ABL1: variants seen among roughly 807,000 people sequenced by gnomAD.
The protein encoded by ABL1 is ABL proto-oncogene 1, non-receptor tyrosine kinase, also known as tyrosine-protein kinase ABL1.
In ABL1, 11 loss-of-function variants were observed where a neutral mutation model predicts 94.7. That is an observed-to-expected ratio of 0.12 (90% CI 0.07 to 0.19). The LOEUF is 0.19. Ranked by LOEUF, ABL1 falls within the 10% of genes least tolerant of loss-of-function variation. The pLI is 1.00. For synonymous variants in ABL1, 656 were observed against 622.4 expected (o/e 1.05, Z -0.80); for missense variants, 1,082 against 1,489.4 (o/e 0.73, Z 4.50).
At chr9:130,757,272 T>G (rs1169585239) in intron 1 of ABL1, among the ~76,000 whole-genome samples, 1 of 152,126 alleles carries the variant, frequency 6.6e-6, no homozygotes, top group Non-Finnish European at 1.5e-5. Flanking sequence ...TATTGAAAAC[T>G]GAAATTGGCC....
chr9:130,867,007 CAG>C (rs1304253319), intron 4 of ABL1, among the ~76,000 whole-genome samples: 1 of 152,202 alleles, frequency 6.6e-6, no homozygotes, highest in Non-Finnish European at 1.5e-5. Context: ...GAACTGTATT[CAG>C]AGTTTGTACA....
At chr9:130,720,499 C>G (rs1831501247) in intron 1 of ABL1, among the ~76,000 whole-genome samples, 1 of 152,056 alleles carries the variant, frequency 6.6e-6, no homozygotes, top group Admixed American at 6.6e-5. Context: ...TGCACCAGAG[C>G]AAAGAGCAAA....
Position 130,813,485 on chromosome 9 carries a change from C to T in ABL1, c.137-40579C>T, listed in dbSNP as rs1425506533. Among the ~76,000 whole-genome samples the T allele has an allele frequency of 2.1e-5, 3 of 143,080 alleles. No homozygotes were observed. The South Asian group carries it at 6.8e-4, about 33-fold the overall frequency. The allele number at this position is 143,080 out of a possible 152,430, so 93.9% of individuals were successfully genotyped here. On this transcript the variant is annotated intron_variant, in intron 1 of 10. Coordinates refer to the ABL1 transcript ENST00000372348. The stretch of plus-strand genomic sequence containing the variant: ...CTGAGGCAGGAGAATCACTTGAACC[C>T]GGGAGGATGAGGTTGCAGTGAGCCG...
At chr9:130,765,262 G>C (rs184184595) in intron 1 of ABL1, among the ~76,000 whole-genome samples, 257 of 152,202 alleles carry the variant, frequency 1.7e-3, no homozygotes, top group Middle Eastern at 3.4e-3. Context: ...TTTTTCAGAG[G>C]TACAAGGGGA....
chr9:130,840,330 T>C (rs537870366), intron 1 of ABL1, among the ~76,000 whole-genome samples: 2 of 152,376 alleles, frequency 1.3e-5, no homozygotes, highest in East Asian at 3.9e-4. Context: ...AATATTTTCA[T>C]TGTGGAAGAG....
intron 1 of ABL1, among the ~76,000 whole-genome samples, chr9:130,725,354 G>C (rs1831567543): frequency 6.7e-6 from 1 of 148,384 alleles, no homozygotes; most frequent in Non-Finnish European, 1.5e-5. Context: ...TTTGTGTCTG[G>C]CTTATTTCAC....
In ABL1 at chr9:130,876,805, C is replaced by T. The variant is rs541548014; in HGVS notation, c.1271-1610C>T. On this transcript the variant is annotated intron_variant, in intron 7 of 10. Transcript: ENST00000318560. ...AGGCTGGAGTGCAGTGGCATGATCTCAGCTCACTGCAAGCTCCGCCTTCCG... is the reference window on the plus strand; with the variant it reads ...AGGCTGGAGTGCAGTGGCATGATCTTAGCTCACTGCAAGCTCCGCCTTCCG... Among the ~76,000 whole-genome samples, 259 of 126,250 alleles carry T rather than the reference C, an allele frequency of 2.1e-3. 15 individuals carry two copies. The highest frequency in any genetic ancestry group is 7.2e-3 in the African/African-American group (215 of 30,018). 82.8% of individuals were successfully genotyped at this position (126,250 alleles called of 152,430 possible).
chr9:130,846,248 C>T (rs1412208674), intron 1 of ABL1, among the ~76,000 whole-genome samples: 1 of 152,138 alleles, frequency 6.6e-6, no homozygotes, highest in Non-Finnish European at 1.5e-5. Flanking sequence ...CCTCTAAGCT[C>T]ATATTTTGAA....
chr9:130,771,260 A>G (rs1055259843), intron 1 of ABL1, among the ~76,000 whole-genome samples: 4 of 152,000 alleles, frequency 2.6e-5, no homozygotes, highest in Non-Finnish European at 5.9e-5. Context: ...GTATGTATGT[A>G]TGTATGTAGA....
intron 1 of ABL1, among the ~76,000 whole-genome samples, chr9:130,799,696 AAAGTGTGT>A (rs1245088951): frequency 6.6e-6 from 1 of 152,196 alleles, no homozygotes; most frequent in Non-Finnish European, 1.5e-5. Flanking sequence ...TCATGATGAT[AAAGTGTGT>A]AACTTATTTT....
chr9:130,767,706 T>A (rs1832201829), intron 1 of ABL1, among the ~76,000 whole-genome samples: 1 of 152,168 alleles, frequency 6.6e-6, no homozygotes, highest in Admixed American at 6.5e-5. Context: ...CACATTTGAT[T>A]CCTCAGAGCA....
chr9:130,842,217 C>T (rs934772017), intron 1 of ABL1, among the ~76,000 whole-genome samples: 1 of 152,154 alleles, frequency 6.6e-6, no homozygotes, highest in Admixed American at 6.5e-5. Context: ...GAGAGGCCAT[C>T]AGTAACTTCA....
chr9:130,855,227 C>A, intron 3 of ABL1, 131 bp downstream of exon 3: 2 of 1,066,104 alleles, frequency 1.9e-6, no homozygotes, highest in Non-Finnish European at 2.7e-6. Context: ...AGGTGGGAGT[C>A]ATTCCATTAG....
intron 1 of ABL1, among the ~76,000 whole-genome samples, chr9:130,737,565 A>G (rs1399176509): frequency 6.6e-6 from 1 of 152,100 alleles, no homozygotes; most frequent in African/African-American, 2.4e-5. Flanking sequence ...CACCACACCC[A>G]GCCACCTGGA....
At position 130,714,498 on chromosome 9, in the gene ABL1, A is replaced by G. The variant is rs765468721; in HGVS notation, c.136+43A>G. ...TTTCTGCTCATGGTTTTCCTCATGC[A>G]TTCATCTTAGGCCTTCAAGGAACTT... On this transcript the variant is annotated intron_variant, in intron 1 of 10. Coordinates refer to the ABL1 transcript ENST00000372348. 5 of 1,613,826 alleles carry G rather than the reference A, an allele frequency of 3.1e-6. No homozygotes were observed. In the Admixed American group the frequency reaches 5.0e-5, roughly 16 times the overall value.
At chr9:130,804,094 C>T (rs546256827) in intron 1 of ABL1, among the ~76,000 whole-genome samples, 11 of 152,030 alleles carry the variant, frequency 7.2e-5, no homozygotes, top group Non-Finnish European at 1.2e-4. Flanking sequence ...CAGTTGCTCA[C>T]GCCTGTAATC....
chr9:130,743,889 G>T (rs1454277984), intron 1 of ABL1, among the ~76,000 whole-genome samples: 1 of 152,032 alleles, frequency 6.6e-6, no homozygotes, highest in Non-Finnish European at 1.5e-5. Flanking sequence ...AGAGGTAGGG[G>T]AGGTGGCCAT....
intron 1 of ABL1, among the ~76,000 whole-genome samples, chr9:130,813,526 A>C (rs1830239984): frequency 7.3e-6 from 1 of 136,346 alleles, no homozygotes; most frequent in African/African-American, 2.8e-5. Context: ...GTGTCACTGC[A>C]CTCCAGCCTG....
chr9:130,767,358 G>A (rs1038943194), intron 1 of ABL1, among the ~76,000 whole-genome samples: 1 of 152,084 alleles, frequency 6.6e-6, no homozygotes, highest in African/African-American at 2.4e-5. Context: ...TTTCTGAGAC[G>A]GAGTCTCACT....
Sources: allele counts gnomAD v4.1 joint callset (sites outside exome capture counted in the v4.1 genomes callset), GRCh38; gene constraint gnomAD v4.1.1; transcripts MANE v1.5; gene names NCBI Gene and HGNC (gene_info 2026-07-23, HGNC 2026-07-21).